Variants in CDCA2 observed in about 807,000 individuals in gnomAD.
CDCA2 encodes cell division cycle associated 2.
Under a neutral mutation model 67.0 loss-of-function variants are expected in CDCA2, and 44 were observed. The ratio of observed to expected loss-of-function variants is 0.66; its 90% confidence interval spans 0.52 to 0.84. CDCA2 has a LOEUF of 0.84. CDCA2 is among the 40% of genes least tolerant of loss of function. The pLI is 0.00. For missense variants in CDCA2, 1,253 were observed against 1,203.2 expected (o/e 1.04, Z -0.61); for synonymous variants, 447 against 418.7 (o/e 1.07, Z -0.82).
chr8:25,490,882 T>A (rs1309289482), intron 13 of CDCA2, among the ~76,000 whole-genome samples: 1 of 152,132 alleles, frequency 6.6e-6, no homozygotes, highest in Non-Finnish European at 1.5e-5. Context: ...AGGAAACCTA[T>A]ATACCAACTT....
intron 8 of CDCA2, among the ~76,000 whole-genome samples, chr8:25,480,783 C>T (rs1182426192): frequency 1.3e-5 from 2 of 152,176 alleles, no homozygotes; most frequent in Non-Finnish European, 2.9e-5. Flanking sequence ...AGCCTAGCCT[C>T]AGGAGTCAAA....
chr8:25,473,474 G>A (rs1284515529), intron 7 of CDCA2, among the ~76,000 whole-genome samples: 1 of 152,078 alleles, frequency 6.6e-6, no homozygotes, highest in African/African-American at 2.4e-5. Context: ...AAAATAGGCA[G>A]TAATCAGTAC....
intron 5 of CDCA2, among the ~76,000 whole-genome samples, chr8:25,467,041 CAAAAAAAA>C (rs59618544): frequency 5.5e-4 from 27 of 49,174 alleles, no homozygotes; most frequent in South Asian, 1.2e-3. Flanking sequence ...GAGTCCCTTT[CAAAAAAAA>C]AAAAAAAAAA....
intron 10 of CDCA2, among the ~76,000 whole-genome samples, chr8:25,485,180 T>TATTATA (rs1803719820): frequency 1.8e-5 from 2 of 113,906 alleles, no homozygotes; most frequent in African/African-American, 5.5e-5. Flanking sequence ...AAACTTAAAG[T>TATTATA]ATAATAATAA....
intron 7 of CDCA2, among the ~76,000 whole-genome samples, chr8:25,476,575 T>TG (rs1039216949): frequency 6.6e-6 from 1 of 151,238 alleles, no homozygotes; most frequent in African/African-American, 2.4e-5. Flanking sequence ...TTTTTTGAGA[T>TG]GGAGTCTCAC....
chr8:25,467,100 A>G (rs1802943252), intron 5 of CDCA2, among the ~76,000 whole-genome samples: 1 of 150,080 alleles, frequency 6.7e-6, no homozygotes, highest in East Asian at 1.9e-4. Flanking sequence ...CCAATCTGAT[A>G]ATCTGCTATA....
intron 7 of CDCA2, among the ~76,000 whole-genome samples, chr8:25,477,458 T>C (rs183772999): frequency 4.3e-4 from 66 of 152,344 alleles, no homozygotes; most frequent in Non-Finnish European, 9.0e-4. Context: ...CCAAATTCTG[T>C]AACTTTTTGA....
intron 11 of CDCA2, among the ~76,000 whole-genome samples, chr8:25,486,619 T>G (rs563583879): frequency 1.3e-5 from 2 of 150,002 alleles, no homozygotes; most frequent in South Asian, 4.3e-4. Flanking sequence ...CCTGGTCAAC[T>G]TGGTGAAACC....
chr8:25,468,453 G>C, intron 6 of CDCA2, 40 bp downstream of exon 6: 2 of 1,549,546 alleles, frequency 1.3e-6, no homozygotes, highest in Non-Finnish European at 1.8e-6. Context: ...TGAAGTTGTT[G>C]GTTTTCTGCA....
Position 25,506,627 on chromosome 8 carries a change from A to C in CDCA2, c.1961A>C (p.Tyr654Ser). ...CATATGCATCAAGGCTATGATAAAT[A>C]TGATGTCTCTGAATTCTGCTCTTAT... ...DLHMHQGYDK[Y>S]DVSEFCSYIK... The change falls in exon 15 of 15, where the codon TAT (tyrosine) becomes TCT (serine). Residue 654 changes from tyrosine to serine, a missense_variant. Physicochemically the swap from Tyr to Ser is moderately radical, Grantham distance 144. Transcript: ENST00000330560. 6.2e-7 allele frequency: 1 copy of C among 1,613,456 alleles called. No homozygotes were observed. The highest frequency in any genetic ancestry group is 8.5e-7 in the Non-Finnish European group (1 of 1,179,888).
At chr8:25,487,128 T>G in intron 11 of CDCA2, 118 bp from the exon 12 acceptor site, 1 of 647,218 alleles carries the variant, frequency 1.5e-6, no homozygotes, top group Non-Finnish European at 2.7e-6. Flanking sequence ...TGGCTCCTCT[T>G]TTTTTTGTTT....
Position 25,460,416 on chromosome 8 carries a change from A to T in CDCA2, c.94A>T (p.Ile32Phe). The T allele has an allele frequency of 6.2e-7, 1 of 1,614,146 alleles. No homozygotes were observed. Among genetic ancestry groups the T allele is most frequent in the Non-Finnish European group, 8.5e-7 (1 of 1,180,036 alleles). Reference sequence around the variant, plus strand: ...CTCTTTCATTTTGGGAACTGGGAAGATTGTGACTCCTCAGAAGCATGCCGA... The same window carrying T: ...CTCTTTCATTTTGGGAACTGGGAAGTTTGTGACTCCTCAGAAGCATGCCGA... ...NASFILGTGK[I>F]VTPQKHAELP... Residue 32 changes from isoleucine to phenylalanine, a missense_variant, in exon 3 of 15, where the codon ATT becomes TTT. By Grantham distance (21) the Ile-to-Phe change is conservative (BLOSUM62 0). Coordinates refer to ENST00000330560, the MANE Select transcript of CDCA2 (RefSeq NM_152562.4).
At chr8:25,468,556 T>TGTGC (rs1488757943) in intron 6 of CDCA2, 143 bp downstream of exon 6, 219 of 494,146 alleles carry the variant, frequency 4.4e-4, no homozygotes, top group East Asian at 9.9e-4. Context: ...TGTGTGTGTG[T>TGTGC]GCGTGTGTGT....
chr8:25,500,980 A>G (rs1426176575), intron 13 of CDCA2, among the ~76,000 whole-genome samples: 1 of 152,112 alleles, frequency 6.6e-6, no homozygotes, highest in Non-Finnish European at 1.5e-5. Context: ...TATTTTTTGC[A>G]ACTTATCTGT....
At chr8:25,465,492 T>C (rs541078146) in intron 4 of CDCA2, among the ~76,000 whole-genome samples, 41 of 152,290 alleles carry the variant, frequency 2.7e-4, no homozygotes, top group Admixed American at 2.7e-3. Flanking sequence ...CTTCTATCCC[T>C]GCTAATATAA....
At chr8:25,479,860 C>G in intron 7 of CDCA2, 53 bp from the exon 8 acceptor site, 1 of 1,556,338 alleles carries the variant, frequency 6.4e-7, no homozygotes, top group African/African-American at 1.4e-5. Flanking sequence ...TGGTCTAGAA[C>G]AAACAGATTT....
chr8:25,474,967 T>G (rs1216359600), intron 7 of CDCA2, among the ~76,000 whole-genome samples: 1 of 152,188 alleles, frequency 6.6e-6, no homozygotes, highest in Non-Finnish European at 1.5e-5. Flanking sequence ...CAGATGCTCC[T>G]TCCACAGGTA....
At chr8:25,486,927 A>G (rs570317361) in intron 11 of CDCA2, among the ~76,000 whole-genome samples, 9 of 152,328 alleles carry the variant, frequency 5.9e-5, no homozygotes, top group African/African-American at 1.9e-4. Context: ...TCATTATACA[A>G]AATGTATCGT....
chr8:25,463,654 C>T (rs1406707290), intron 4 of CDCA2, among the ~76,000 whole-genome samples: 1 of 152,048 alleles, frequency 6.6e-6, no homozygotes, highest in African/African-American at 2.4e-5. Flanking sequence ...TGGCAGCAGC[C>T]TCCTACGTTC....
Sources: allele counts gnomAD v4.1 joint callset (sites outside exome capture counted in the v4.1 genomes callset), GRCh38; gene constraint gnomAD v4.1.1; transcripts MANE v1.5; gene names NCBI Gene and HGNC (gene_info 2026-07-23, HGNC 2026-07-21).